The following DNAH5 variants were observed in gnomAD, a reference collection of about 807,000 sequenced individuals.
The protein encoded by DNAH5 is dynein axonemal heavy chain 5.
Under a neutral mutation model 518.2 loss-of-function variants are expected in DNAH5, and 372 were observed. That is an observed-to-expected ratio of 0.72 (90% CI 0.66 to 0.78). The LOEUF is 0.78. Among genes scored for constraint, DNAH5 ranks in the 30% least tolerant of loss-of-function variants. The probability of loss-of-function intolerance (pLI) is 0.00; values close to 1 mark genes in which losing one functional copy is unlikely to be tolerated. For synonymous variants in DNAH5, 2,039 were observed against 2,025.9 expected (o/e 1.01, Z -0.17); for missense variants, 5,523 against 5,687.0 (o/e 0.97, Z 0.93).
chr5:13,915,122 T>G (rs181836970), intron 9 of DNAH5, among the ~76,000 whole-genome samples: 1 of 152,268 alleles, frequency 6.6e-6, no homozygotes, highest in East Asian at 1.9e-4. Flanking sequence ...AACATTTTAT[T>G]CATCTCTCCA....
intron 47 of DNAH5, among the ~76,000 whole-genome samples, chr5:13,796,096 C>T (rs1211601457): frequency 6.6e-6 from 1 of 152,148 alleles, no homozygotes; most frequent in Non-Finnish European, 1.5e-5. Context: ...CAATATCATA[C>T]TGAATGGGCA....
At chr5:13,748,788 A>G (rs1749787694) in intron 65 of DNAH5, among the ~76,000 whole-genome samples, 1 of 152,156 alleles carries the variant, frequency 6.6e-6, no homozygotes, top group African/African-American at 2.4e-5. Context: ...GGCTGAGACA[A>G]TGGGGTTTTC....
intron 38 of DNAH5, among the ~76,000 whole-genome samples, chr5:13,827,190 A>G: frequency 6.6e-6 from 1 of 152,164 alleles, no homozygotes; most frequent in East Asian, 1.9e-4. Flanking sequence ...GCAGAGCATA[A>G]AAGTTTTGAA....
At chr5:13,925,529 A>G (rs182250187) in intron 3 of DNAH5, among the ~76,000 whole-genome samples, 59 of 152,328 alleles carry the variant, frequency 3.9e-4, no homozygotes, top group Non-Finnish European at 5.3e-4. Context: ...CCTCACAATC[A>G]TAGCAGAAGG....
intron 52 of DNAH5, among the ~76,000 whole-genome samples, chr5:13,784,136 T>C (rs902361090): frequency 3.9e-5 from 6 of 152,148 alleles, no homozygotes; most frequent in Non-Finnish European, 8.8e-5. Context: ...GCACGACACT[T>C]AACATAAATA....
chr5:13,813,473 A>AC (rs370032669), intron 43 of DNAH5, among the ~76,000 whole-genome samples: 2 of 151,252 alleles, frequency 1.3e-5, no homozygotes, highest in Non-Finnish European at 2.9e-5. Context: ...AAAAAAAAAA[A>AC]CAATCCTGAG....
At chr5:13,931,681 C>A (rs1437800010) in intron 1 of DNAH5, among the ~76,000 whole-genome samples, 1 of 152,156 alleles carries the variant, frequency 6.6e-6, no homozygotes, top group Non-Finnish European at 1.5e-5. Flanking sequence ...CATATTTGGT[C>A]TTGAAATTAA....
intron 17 of DNAH5, among the ~76,000 whole-genome samples, chr5:13,889,534 T>G (rs994683023): frequency 6.6e-6 from 1 of 152,118 alleles, no homozygotes; most frequent in Non-Finnish European, 1.5e-5. Flanking sequence ...TTTAGGAGGG[T>G]TCCCCCTGTT....
At chr5:13,889,505 G>T (rs769161082) in intron 17 of DNAH5, among the ~76,000 whole-genome samples, 2 of 147,636 alleles carry the variant, frequency 1.4e-5, no homozygotes, top group Non-Finnish European at 1.5e-5. Context: ...TCCCTTGGCC[G>T]GCGTCTGGAA....
At chr5:13,872,849 G>A (rs903509658) in intron 22 of DNAH5, among the ~76,000 whole-genome samples, 1 of 151,914 alleles carries the variant, frequency 6.6e-6, no homozygotes, top group African/African-American at 2.4e-5. Context: ...CCTGTCTTAA[G>A]AATATCTTTG....
intron 61 of DNAH5, among the ~76,000 whole-genome samples, chr5:13,756,957 T>C (rs1013421616): frequency 2.1e-4 from 32 of 152,196 alleles, no homozygotes; most frequent in African/African-American, 7.5e-4. Context: ...ACATGTGGCA[T>C]TTGGTTTTTC....
At chr5:14,002,149 G>A (rs6883950) in intron 1 of DNAH5, among the ~76,000 whole-genome samples, 2,986 of 98,898 alleles carry the variant, frequency 0.03, 92 homozygotes, top group African/African-American at 0.094. Context: ...CGCCTGCATC[G>A]GCCTCCCAAA....
rs1207111927 is a variant in DNAH5, at chr5:13,707,257, C to T, written c.13338+866G>A. Among the ~76,000 whole-genome samples, 5 of 152,224 alleles carry T rather than the reference C, an allele frequency of 3.3e-5. No homozygotes were observed. The highest frequency in any genetic ancestry group is 7.4e-5 in the Non-Finnish European group (5 of 68,024). On this transcript the variant is annotated intron_variant, in intron 76 of 78. Transcript: ENST00000265104. This position sits in a 1 kb window ranked among gnomAD's most constrained non-coding sequence, Gnocchi z 4.0. Reference sequence around the variant, plus strand: ...GGGGAAGACCACCTTCCCACTCCATCCCCCTTCTGGCTCCCCATCCACCTT... The same window carrying T: ...GGGGAAGACCACCTTCCCACTCCATTCCCCTTCTGGCTCCCCATCCACCTT...
intron 58 of DNAH5, among the ~76,000 whole-genome samples, chr5:13,768,594 C>G (rs1400297685): frequency 2.6e-5 from 4 of 152,176 alleles, no homozygotes; most frequent in African/African-American, 9.7e-5. Flanking sequence ...TCGTATCTTA[C>G]AGATCACCTA....
chr5:13,793,336 GA>G (rs1757296317), intron 49 of DNAH5, among the ~76,000 whole-genome samples, 178 bp downstream of exon 49: 1 of 152,072 alleles, frequency 6.6e-6, no homozygotes, highest in Non-Finnish European at 1.5e-5. Context: ...TCCAAATCAG[GA>G]AACACCTAGA....
intron 12 of DNAH5, among the ~76,000 whole-genome samples, chr5:13,904,563 C>T (rs537623612): frequency 5.4e-4 from 81 of 150,984 alleles, no homozygotes; most frequent in Admixed American, 1.3e-3. Context: ...TTGTATTATA[C>T]GTATATAATC....
At chr5:13,703,759 C>G (rs1292506494) in intron 76 of DNAH5, among the ~76,000 whole-genome samples, 1 of 152,108 alleles carries the variant, frequency 6.6e-6, no homozygotes, top group African/African-American at 2.4e-5. Flanking sequence ...CTCCCCACTC[C>G]CAGGAGATAA....
chr5:13,840,834 C>T (rs1765053154), intron 34 of DNAH5, 72 bp downstream of exon 34: 7 of 1,245,278 alleles, frequency 5.6e-6, no homozygotes, highest in Admixed American at 5.2e-5. Context: ...CAAACTAGTT[C>T]TACTGGGTAA....
chr5:13,814,592 G>T lies in DNAH5; in HGVS notation c.7230+13C>A, dbSNP rs1761191055. 1 of 1,612,788 alleles carries T rather than the reference G, an allele frequency of 6.2e-7. No homozygotes were observed. ...TTCCTTTTTAATTATACAAAAGAAG[G>T]ATTCAATTATACCTCAAGAATAGGA... On this transcript the variant is annotated intron_variant, in intron 43 of 78. Coordinates refer to ENST00000265104, the MANE Select transcript of DNAH5 (RefSeq NM_001369.3).
Sources: gnomAD v4.1 joint callset for allele counts (sites outside exome capture counted in the v4.1 genomes callset) on GRCh38, gnomAD v4.1.1 for gene constraint, Gnocchi (gnomAD v3.1) non-coding constraint, MANE v1.5 for transcripts, NCBI Gene and HGNC (gene_info 2026-07-23, HGNC 2026-07-21) for gene names.